The following RASGRF2 variants were observed in gnomAD, a reference collection of about 807,000 sequenced individuals.
RASGRF2 encodes Ras protein specific guanine nucleotide releasing factor 2.
A neutral mutation model predicts 151.0 loss-of-function variants in RASGRF2; 76 were observed. The observed-to-expected ratio is 0.50, with a 90% CI of 0.42 to 0.61. The LOEUF (loss-of-function observed/expected upper bound fraction) is 0.61, where lower values mean the gene tolerates loss of function less well. Among genes scored for constraint, RASGRF2 ranks in the 20% least tolerant of loss-of-function variants. The pLI is 0.00. For missense variants in RASGRF2, 1,148 were observed against 1,564.6 expected, an observed-to-expected ratio of 0.73 and a Z score of 4.49; for synonymous variants, 504 against 566.5, an observed-to-expected ratio of 0.89 and a Z score of 1.57.
At chr5:81,200,348 A>T (rs946011280) in intron 18 of RASGRF2, among the ~76,000 whole-genome samples, 5 of 151,084 alleles carry the variant, frequency 3.3e-5, no homozygotes, top group African/African-American at 1.2e-4. Flanking sequence ...GTGAGCATCA[A>T]TATCGATAGG....
chr5:81,146,686 A>C (rs953998843), intron 17 of RASGRF2, among the ~76,000 whole-genome samples: 1 of 152,118 alleles, frequency 6.6e-6, no homozygotes, highest in Non-Finnish European at 1.5e-5. Context: ...AGAGGGTGGG[A>C]TGTCTAGCCA....
In RASGRF2 at chr5:81,094,993, G is replaced by C; in HGVS notation, c.1755+1G>C. On this transcript the variant is annotated splice_donor_variant, in intron 12 of 26. Transcript: ENST00000265080. LOFTEE classifies it high-confidence loss of function. The stretch of plus-strand genomic sequence containing the variant: ...TGCCTGGATGAGTGACATCAGTCAG[G>C]TAAGAAAGTGGCTTTTGCCAAATTT... The C allele has an allele frequency of 6.9e-7, 1 of 1,442,260 alleles. No individual in the cohort carries two copies. The highest frequency in any genetic ancestry group is 9.1e-7 in the Non-Finnish European group (1 of 1,094,512). The allele number at this position is 1,442,260 out of a possible 1,614,324, so 89.3% of individuals were successfully genotyped here.
chr5:81,116,802 G>A (rs939889043), intron 15 of RASGRF2, among the ~76,000 whole-genome samples: 1 of 151,962 alleles, frequency 6.6e-6, no homozygotes, highest in Non-Finnish European at 1.5e-5. Flanking sequence ...GTCCTTTTTT[G>A]AATGGCTTAG....
intron 15 of RASGRF2, among the ~76,000 whole-genome samples, chr5:81,117,345 G>GTGAGGCCC (rs1463645939): frequency 2.0e-5 from 3 of 152,198 alleles, no homozygotes; most frequent in African/African-American, 7.2e-5. Flanking sequence ...CTGACATCTT[G>GTGAGGCCC]TGAGGCCCTT....
At chr5:81,060,106 TC>T (rs1319065861) in intron 2 of RASGRF2, among the ~76,000 whole-genome samples, 4 of 152,288 alleles carry the variant, frequency 2.6e-5, no homozygotes, top group African/African-American at 9.6e-5. Flanking sequence ...TCATTCACTG[TC>T]TTGAGGACAG....
chr5:81,203,315 A>T (rs1338474269), intron 19 of RASGRF2, among the ~76,000 whole-genome samples: 1 of 152,208 alleles, frequency 6.6e-6, no homozygotes, highest in African/African-American at 2.4e-5. Flanking sequence ...AGGCTGGGAA[A>T]AACTGTCAGG....
intron 26 of RASGRF2, among the ~76,000 whole-genome samples, chr5:81,220,698 G>A (rs1755838775): frequency 6.6e-6 from 1 of 152,108 alleles, no homozygotes; most frequent in Non-Finnish European, 1.5e-5. Context: ...TTGAACTCCT[G>A]ACCTCATGAT....
intron 17 of RASGRF2, among the ~76,000 whole-genome samples, chr5:81,149,744 A>G (rs759812247): frequency 1.3e-5 from 2 of 152,134 alleles, no homozygotes; most frequent in Non-Finnish European, 2.9e-5. Context: ...GTTCTTTCTA[A>G]ACAGCTTTAT....
chr5:81,020,000 A>G (rs1749773762), intron 1 of RASGRF2, among the ~76,000 whole-genome samples: 1 of 152,232 alleles, frequency 6.6e-6, no homozygotes, highest in South Asian at 2.1e-4. Flanking sequence ...GTGTTCTCAT[A>G]TTGGGTTACA....
At chr5:81,010,108 C>T (rs985964731) in intron 1 of RASGRF2, among the ~76,000 whole-genome samples, 7 of 150,178 alleles carry the variant, frequency 4.7e-5, no homozygotes, top group Non-Finnish European at 7.4e-5. Context: ...GAGCTGAGAT[C>T]GTGCCACTGT....
intron 17 of RASGRF2, among the ~76,000 whole-genome samples, chr5:81,166,516 C>T (rs1026832348): frequency 6.6e-6 from 1 of 152,152 alleles, no homozygotes; most frequent in African/African-American, 2.4e-5. Context: ...GACAAAAGCC[C>T]TTGTCTGCTT....
chr5:81,025,148 G>A (rs1580218240), intron 1 of RASGRF2, among the ~76,000 whole-genome samples: 1 of 152,314 alleles, frequency 6.6e-6, no homozygotes, highest in South Asian at 2.1e-4. Flanking sequence ...GCCTCTCTGT[G>A]CTGCAGCTTC....
At chr5:81,042,381 T>G (rs1750704327) in intron 1 of RASGRF2, among the ~76,000 whole-genome samples, 1 of 152,186 alleles carries the variant, frequency 6.6e-6, no homozygotes, top group African/African-American at 2.4e-5. Flanking sequence ...TGATGACATC[T>G]GCTAAGGTTG....
In RASGRF2 at chr5:81,093,149, A is replaced by G. The variant is rs186858472; in HGVS notation, c.1551+188A>G. Reference sequence around the variant, plus strand: ...CGTTGTCATTTAAATTCAAAGTAACAGAAATGTATTTTAAGTATGCATCAC... The same window carrying G: ...CGTTGTCATTTAAATTCAAAGTAACGGAAATGTATTTTAAGTATGCATCAC... On this transcript the variant is annotated intron_variant, in intron 10 of 26. Transcript: ENST00000265080. Among the ~76,000 whole-genome samples the G allele has an allele frequency of 1.3e-4, 20 of 152,346 alleles. No homozygotes were observed. In the East Asian group the frequency reaches 3.9e-3, roughly 29 times the overall value.
intron 1 of RASGRF2, among the ~76,000 whole-genome samples, chr5:80,989,145 A>G (rs1748568922): frequency 6.6e-6 from 1 of 151,892 alleles, no homozygotes; most frequent in Non-Finnish European, 1.5e-5. Flanking sequence ...TAATTTTTAT[A>G]TTTTTAGTAG....
chr5:81,070,718 A>G, intron 4 of RASGRF2, 137 bp downstream of exon 4: 1 of 655,500 alleles, frequency 1.5e-6, no homozygotes, highest in Non-Finnish European at 2.6e-6. Context: ...CTTGCCCTGC[A>G]GAGTGATCCA....
intron 1 of RASGRF2, among the ~76,000 whole-genome samples, chr5:80,993,698 G>A (rs1337520923): frequency 6.6e-6 from 1 of 152,186 alleles, no homozygotes; most frequent in Admixed American, 6.5e-5. Context: ...AAGGCAAGAG[G>A]GAAGGGAGTG....
intron 7 of RASGRF2, among the ~76,000 whole-genome samples, chr5:81,082,268 A>G (rs1054987704): frequency 2.0e-5 from 3 of 152,126 alleles, no homozygotes; most frequent in African/African-American, 7.2e-5. Flanking sequence ...TTCGCTGTAG[A>G]TGAGGTGTCC....
chr5:81,169,907 CCACCTGCGT>C (rs141478204), intron 17 of RASGRF2, among the ~76,000 whole-genome samples: 32,466 of 58,722 alleles, frequency 0.55, 10,215 homozygotes, highest in East Asian at 0.72. Context: ...ATCACCCATA[CCACCTGCGT>C]CACCTGCATC....
Sources: allele counts gnomAD v4.1 joint callset (sites outside exome capture counted in the v4.1 genomes callset), GRCh38; gene constraint gnomAD v4.1.1; transcripts MANE v1.5; gene names NCBI Gene and HGNC (gene_info 2026-07-23, HGNC 2026-07-21).